The following CDC45 variants were observed in gnomAD, a reference collection of about 807,000 sequenced individuals.
CDC45 encodes cell division control protein 45 homolog.
A neutral mutation model predicts 77.8 loss-of-function variants in CDC45; 54 were observed. The observed-to-expected ratio is 0.69, with a 90% CI of 0.56 to 0.87. CDC45 has a LOEUF of 0.87. Ranked by LOEUF, CDC45 falls within the 40% of genes least tolerant of loss-of-function variation. CDC45 has a pLI of 0.00. For missense variants in CDC45, 649 were observed against 721.6 expected, an observed-to-expected ratio of 0.90 and a Z score of 1.15; for synonymous variants, 260 against 272.1, an observed-to-expected ratio of 0.96 and a Z score of 0.44.
intron 13 of CDC45, among the ~76,000 whole-genome samples, chr22:19,510,219 A>G (rs995661924): frequency 2.8e-4 from 42 of 152,146 alleles, no homozygotes; most frequent in Non-Finnish European, 5.9e-5. Context: ...TCAGCCTCCC[A>G]AAGTGCTGGG....
intron 2 of CDC45, 134 bp from the exon 3 acceptor site, chr22:19,480,819 C>G: frequency 1.7e-6 from 1 of 590,198 alleles, no homozygotes; most frequent in Non-Finnish European, 3.0e-6. Flanking sequence ...TAGCTTTTCC[C>G]GTAAGCATTT....
chr22:19,502,246 A>T (rs1377618114), intron 9 of CDC45, among the ~76,000 whole-genome samples: 1 of 152,238 alleles, frequency 6.6e-6, no homozygotes, highest in Non-Finnish European at 1.5e-5. Flanking sequence ...TCCAGTAGAG[A>T]CAAATATAAA....
At chr22:19,517,330 C>T (rs978464630) in intron 17 of CDC45, among the ~76,000 whole-genome samples, 1 of 152,124 alleles carries the variant, frequency 6.6e-6, no homozygotes, top group African/African-American at 2.4e-5. Flanking sequence ...GGGTGTGTGT[C>T]GTGATAGGTG....
chr22:19,480,140 T>A lies in CDC45; in HGVS notation c.52-18T>A, dbSNP rs1194633887. The A allele has an allele frequency of 1.2e-6, 2 of 1,613,822 alleles. No homozygotes were observed. The highest frequency in any genetic ancestry group is 2.7e-5 in the African/African-American group (2 of 74,916). On this transcript the variant is annotated intron_variant, in intron 1 of 18. Coordinates refer to ENST00000263201, the MANE Select transcript of CDC45 (RefSeq NM_003504.5). ...GGTTCGGGTCGCCGTGTTCAGCCGGTCTGCTCTTCCCCGATAGAGGGTCCT... is the reference window on the plus strand; with the variant it reads ...GGTTCGGGTCGCCGTGTTCAGCCGGACTGCTCTTCCCCGATAGAGGGTCCT...
At position 19,479,963 on chromosome 22, in the gene CDC45, G is replaced by T; in HGVS notation, c.-6G>T. Reference sequence around the variant, plus strand: ...CGCGAGCGCCAGGCGTCCGGCCGCCGTGGCTATGTTCGTGTCCGATTTCCG... The same window carrying T: ...CGCGAGCGCCAGGCGTCCGGCCGCCTTGGCTATGTTCGTGTCCGATTTCCG... On this transcript the variant is annotated 5_prime_UTR_variant, in exon 1 of 19. Coordinates refer to ENST00000263201, the MANE Select transcript of CDC45 (RefSeq NM_003504.5). 1.2e-6 allele frequency: 2 copies of T among 1,613,318 alleles called. No homozygotes were observed. The highest frequency in any genetic ancestry group is 8.5e-7 in the Non-Finnish European group (1 of 1,180,020).
chr22:19,492,323 C>G (rs2090165905), intron 5 of CDC45, among the ~76,000 whole-genome samples: 1 of 152,044 alleles, frequency 6.6e-6, no homozygotes, highest in African/African-American at 2.4e-5. Flanking sequence ...TAATTCTTCC[C>G]TCTGTCCCCT....
Position 19,494,360 on chromosome 22 carries a change from C to A in CDC45, c.520C>A (p.Arg174=). ...GGAGCAAACCATGCGGAGGAGGCAG[C>A]GGCGAGAGTGGGAGGCCCGGAGGTG... ...IVEQTMRRRQ[R]REWEARRRDI... is the part of the protein sequence containing the mutation. Residue 174 remains arginine, a synonymous_variant, in exon 6 of 19, where the codon CGG becomes AGG. Transcript: ENST00000263201. 1 of 1,613,252 alleles carries A rather than the reference C, an allele frequency of 6.2e-7. No individual in the cohort carries two copies.
At chr22:19,491,291 T>G (rs1246884259) in intron 5 of CDC45, among the ~76,000 whole-genome samples, 1 of 152,222 alleles carries the variant, frequency 6.6e-6, no homozygotes, top group African/African-American at 2.4e-5. Context: ...CATTTTTGCT[T>G]ACTGTATTTT....
chr22:19,499,913 C>T (rs992563889), intron 9 of CDC45, among the ~76,000 whole-genome samples: 1 of 152,188 alleles, frequency 6.6e-6, no homozygotes, highest in Non-Finnish European at 1.5e-5. Flanking sequence ...GGGTGCTGGT[C>T]TCCTCATGCA....
At chr22:19,493,776 G>A (rs1263197232) in intron 5 of CDC45, among the ~76,000 whole-genome samples, 3 of 152,070 alleles carry the variant, frequency 2.0e-5, no homozygotes, top group East Asian at 3.9e-4. Context: ...AAGGGTTTTC[G>A]GTATATTTAA....
chr22:19,496,680 A>G (rs938081186), intron 7 of CDC45, among the ~76,000 whole-genome samples: 4 of 152,144 alleles, frequency 2.6e-5, no homozygotes, highest in African/African-American at 9.7e-5. Context: ...TCACTTAGAG[A>G]AGATAACTCC....
chr22:19,514,244 G>A (rs13447274), intron 13 of CDC45, among the ~76,000 whole-genome samples: 5,132 of 152,318 alleles, frequency 0.034, 133 homozygotes, highest in Non-Finnish European at 0.049. Context: ...CTGGTCATAA[G>A]ACATCGTTTC....
At chr22:19,494,550 T>A (rs1451138233) in intron 6 of CDC45, 168 bp downstream of exon 6, 1 of 1,550,476 alleles carries the variant, frequency 6.4e-7, no homozygotes, top group Non-Finnish European at 8.7e-7. Flanking sequence ...GGAGAAGAGC[T>A]CCAGGTTGTT....
At position 19,483,409 on chromosome 22, in the gene CDC45, G is replaced by A. The variant is rs560906222; in HGVS notation, c.343-453G>A. 3.4e-4 allele frequency among the ~76,000 whole-genome samples: 52 copies of A among 152,252 alleles called. 1 individual carries two copies. The highest frequency in any genetic ancestry group is 1.8e-3 in the Admixed American group (27 of 15,294). ...ATCGTGCCACTGCACTCCAGCTTGGGCGACAGAGCGAGACTCCGTCTCCAA... is the reference window on the plus strand; with the variant it reads ...ATCGTGCCACTGCACTCCAGCTTGGACGACAGAGCGAGACTCCGTCTCCAA... On this transcript the variant is annotated intron_variant, in intron 4 of 18. Coordinates refer to ENST00000263201, the MANE Select transcript of CDC45 (RefSeq NM_003504.5).
intron 5 of CDC45, among the ~76,000 whole-genome samples, chr22:19,485,435 A>AT (rs1456744780): frequency 2.0e-5 from 3 of 152,200 alleles, no homozygotes; most frequent in Non-Finnish European, 4.4e-5. Context: ...TTAGCAGGGG[A>AT]TGGAGCCAAG....
intron 15 of CDC45, 21 bp from the exon 16 acceptor site, chr22:19,516,506 G>C (rs373805228): frequency 1.3e-6 from 2 of 1,597,290 alleles, no homozygotes; most frequent in Non-Finnish European, 1.7e-6. Flanking sequence ...CCCTGACGGA[G>C]GGTGCTCTCC....
intron 15 of CDC45, among the ~76,000 whole-genome samples, 185 bp downstream of exon 15, chr22:19,515,233 TC>T (rs1269526244): frequency 2.0e-5 from 3 of 152,190 alleles, no homozygotes; most frequent in Non-Finnish European, 2.9e-5. Context: ...TCCAGTTCTC[TC>T]AAGCTCTGAT....
chr22:19,489,501 C>G (rs1054244938), intron 5 of CDC45, among the ~76,000 whole-genome samples: 2 of 152,036 alleles, frequency 1.3e-5, no homozygotes, highest in African/African-American at 4.8e-5. Flanking sequence ...AGTATGTAGC[C>G]TTTTGGGATT....
intron 9 of CDC45, among the ~76,000 whole-genome samples, chr22:19,504,123 G>GT (rs1933018655): frequency 6.6e-6 from 1 of 152,154 alleles, no homozygotes; most frequent in Non-Finnish European, 1.5e-5. Flanking sequence ...ACCATAATGT[G>GT]TTATAGGACC....
Sources: allele counts gnomAD v4.1 joint callset (sites outside exome capture counted in the v4.1 genomes callset), GRCh38; gene constraint gnomAD v4.1.1; transcripts MANE v1.5; gene names NCBI Gene and HGNC (gene_info 2026-07-23, HGNC 2026-07-21).